The following CSMD1 variants were observed in gnomAD, a reference collection of about 807,000 sequenced individuals.
CSMD1 encodes CUB and sushi domain-containing protein 1.
A neutral mutation model predicts 417.5 loss-of-function variants in CSMD1; 213 were observed. That is an observed-to-expected ratio of 0.51 (90% CI 0.46 to 0.57). The LOEUF is 0.57. Ranked by LOEUF, CSMD1 falls within the 20% of genes least tolerant of loss-of-function variation. CSMD1 has a pLI of 0.00. For synonymous variants in CSMD1, 2,862 were observed against 1,736.8 expected (o/e 1.65, Z -16.11); for missense variants, 6,923 against 4,529.7 (o/e 1.53, Z -15.17).
chr8:3,158,799 C>T (rs1000308857), intron 38 of CSMD1, among the ~76,000 whole-genome samples: 1 of 152,080 alleles, frequency 6.6e-6, no homozygotes, highest in East Asian at 1.9e-4. Flanking sequence ...GTTTGCTTAT[C>T]TCATAAATTT....
In CSMD1 at chr8:4,449,430, A is replaced by G. The variant is rs148603751; in HGVS notation, c.303-29365T>C. On this transcript the variant is annotated intron_variant, in intron 2 of 69. Transcript: ENST00000635120. ...GTTTAGAATAGCCGTGTAGAAGTTC[A>G]TATTTTTCCCCAATTTTTGTTGATA... Among the ~76,000 whole-genome samples, 264 of 152,224 alleles carry G rather than the reference A, an allele frequency of 1.7e-3. 1 individual carries two copies. Among genetic ancestry groups the G allele is most frequent in the African/African-American group, 6.1e-3 (253 of 41,524 alleles).
At chr8:3,334,527 A>G (rs1807120683) in intron 23 of CSMD1, among the ~76,000 whole-genome samples, 1 of 152,180 alleles carries the variant, frequency 6.6e-6, no homozygotes, top group Non-Finnish European at 1.5e-5. Flanking sequence ...TATTGTATCA[A>G]TGTGTTAATA....
intron 5 of CSMD1, among the ~76,000 whole-genome samples, chr8:3,996,669 G>C (rs1407411211): frequency 1.3e-5 from 2 of 152,086 alleles, no homozygotes; most frequent in Admixed American, 6.5e-5. Flanking sequence ...GATTGGTCCT[G>C]GCTAATCTAA....
chr8:3,187,955 A>T lies in CSMD1; in HGVS notation c.5534T>A (p.Ile1845Asn), dbSNP rs1796163091. Reference protein sequence around the residue: ...TEGSGIQIQVISFATEQNWDS... With the variant: ...TEGSGIQIQVNSFATEQNWDS... ...CCAGTTCTGCTCCGTGGCAAAACTG[A>T]TCACTTGGATCTACCAAACCATGAC... The change falls in exon 36 of 70, where the codon ATC becomes AAC. Residue 1845 changes from isoleucine (I) to asparagine (N), a missense_variant. By Grantham distance (149) the Ile-to-Asn change is moderately radical. Coordinates refer to ENST00000635120, the MANE Select transcript of CSMD1 (RefSeq NM_033225.6). 2 of 1,612,554 alleles carry T rather than the reference A, an allele frequency of 1.2e-6. No homozygotes were observed.
intron 2 of CSMD1, among the ~76,000 whole-genome samples, chr8:4,512,123 A>G (rs1304027547): frequency 1.3e-4 from 20 of 152,204 alleles, no homozygotes; most frequent in Non-Finnish European, 1.5e-5. Context: ...CAGGTATGCA[A>G]GGCTGGTTCA....
At chr8:3,456,777 C>A (rs73660016) in intron 12 of CSMD1, among the ~76,000 whole-genome samples, 1 of 152,088 alleles carries the variant, frequency 6.6e-6, no homozygotes, top group African/African-American at 2.4e-5. Context: ...GATGACCCAT[C>A]CCCATTGCCC....
intron 26 of CSMD1, among the ~76,000 whole-genome samples, chr8:3,243,099 G>T (rs773934001): frequency 6.6e-6 from 1 of 152,144 alleles, no homozygotes; most frequent in African/African-American, 2.4e-5. Flanking sequence ...TTGAAGGGTG[G>T]CGACAAGATT....
chr8:4,670,690 T>C (rs918852536), intron 1 of CSMD1, among the ~76,000 whole-genome samples: 5 of 152,202 alleles, frequency 3.3e-5, no homozygotes, highest in African/African-American at 4.8e-5. Context: ...ATAGGTTTGA[T>C]AGGATTCACG....
chr8:4,008,827 G>A (rs1004104344), intron 4 of CSMD1, among the ~76,000 whole-genome samples: 1 of 151,732 alleles, frequency 6.6e-6, no homozygotes, highest in African/African-American at 2.4e-5. Flanking sequence ...AGCCAGGATG[G>A]TCTCGATCTC....
intron 2 of CSMD1, among the ~76,000 whole-genome samples, chr8:4,552,428 A>G (rs1797914791): frequency 6.6e-6 from 1 of 151,834 alleles, no homozygotes; most frequent in African/African-American, 2.4e-5. Context: ...CCCATCTCCT[A>G]TTGGTTCAAC....
At chr8:3,940,097 G>A (rs1392099712) in intron 5 of CSMD1, among the ~76,000 whole-genome samples, 7 of 151,956 alleles carry the variant, frequency 4.6e-5, no homozygotes, top group East Asian at 3.9e-4. Context: ...ATGCAGATAC[G>A]CCTTACACAT....
At chr8:4,239,804 C>A (rs772063693) in intron 3 of CSMD1, among the ~76,000 whole-genome samples, 1 of 152,076 alleles carries the variant, frequency 6.6e-6, no homozygotes, top group Non-Finnish European at 1.5e-5. Context: ...CAGAAAAGGT[C>A]AAGATATTTA....
At chr8:3,858,642 G>T (rs181465156) in intron 5 of CSMD1, among the ~76,000 whole-genome samples, 1,730 of 151,278 alleles carry the variant, frequency 0.011, 10 homozygotes, top group Non-Finnish European at 0.018. Context: ...CTTTTTCTAT[G>T]TATTTAATGC....
chr8:4,539,503 C>T (rs1797275980), intron 2 of CSMD1, among the ~76,000 whole-genome samples: 1 of 152,142 alleles, frequency 6.6e-6, no homozygotes. Flanking sequence ...CCCCAAAATC[C>T]TCTAATATTT....
At chr8:3,329,841 A>G (rs1435277143) in intron 23 of CSMD1, among the ~76,000 whole-genome samples, 2 of 152,212 alleles carry the variant, frequency 1.3e-5, no homozygotes, top group Non-Finnish European at 2.9e-5. Context: ...TGCTAGGGGC[A>G]CAGGGCACAG....
At chr8:3,982,412 G>T (rs943141094) in intron 5 of CSMD1, among the ~76,000 whole-genome samples, 28 of 151,626 alleles carry the variant, frequency 1.8e-4, no homozygotes, top group Middle Eastern at 3.4e-3. Flanking sequence ...GCTAATATAT[G>T]GAAAGCACAA....
chr8:4,178,738 G>C (rs559979251), intron 3 of CSMD1, among the ~76,000 whole-genome samples: 2 of 152,062 alleles, frequency 1.3e-5, no homozygotes, highest in East Asian at 3.9e-4. Context: ...CAAAGTCTCA[G>C]GATACAAAAT....
chr8:4,901,164 T>A (rs561176452), intron 1 of CSMD1, among the ~76,000 whole-genome samples: 2 of 152,354 alleles, frequency 1.3e-5, no homozygotes, highest in Admixed American at 1.3e-4. Flanking sequence ...CTAAGAAAGA[T>A]TTTCTTAAAC....
At position 4,599,118 on chromosome 8, in the gene CSMD1, G is replaced by C. The variant is rs188910939; in HGVS notation, c.302+38224C>G. On this transcript the variant is annotated intron_variant, in intron 2 of 69. Coordinates refer to ENST00000635120, the MANE Select transcript of CSMD1 (RefSeq NM_033225.6). ...GATTAAGTAAAAAGTGTTAGAACGT[G>C]CCTTCCAGACTAAGGTATTAAAAAA... 2.3e-4 allele frequency among the ~76,000 whole-genome samples: 35 copies of C among 152,296 alleles called. 1 individual carries two copies. Among genetic ancestry groups the C allele is most frequent in the African/African-American group, 7.9e-4 (33 of 41,560 alleles).
Sources: gnomAD v4.1 joint callset for allele counts (sites outside exome capture counted in the v4.1 genomes callset) on GRCh38, gnomAD v4.1.1 for gene constraint, MANE v1.5 for transcripts, NCBI Gene and HGNC (gene_info 2026-07-23, HGNC 2026-07-21) for gene names.